The following HCRTR2 variants were observed in gnomAD, a reference collection of about 807,000 sequenced individuals.
HCRTR2 encodes hypocretin receptor 2.
Under a neutral mutation model 49.0 loss-of-function variants are expected in HCRTR2, and 22 were observed. The ratio of observed to expected loss-of-function variants is 0.45; its 90% confidence interval spans 0.32 to 0.64. The LOEUF is 0.64. Among genes scored for constraint, HCRTR2 ranks in the 30% least tolerant of loss-of-function variants. The pLI, the probability that HCRTR2 is intolerant of heterozygous loss-of-function variation, is 0.04. For synonymous variants in HCRTR2, 236 were observed against 205.3 expected, an observed-to-expected ratio of 1.15 and a Z score of -1.28; for missense variants, 491 against 559.4, an observed-to-expected ratio of 0.88 and a Z score of 1.23.
In HCRTR2 at chr6:55,233,580, G is replaced by A. The variant is rs1766157980; in HGVS notation, c.224-15059G>A. ...GGCATGGTGGTGCACACCTATAGTTGTAGCTACTTGGGAAGCTGAGGTGGA... is the reference window on the plus strand; with the variant it reads ...GGCATGGTGGTGCACACCTATAGTTATAGCTACTTGGGAAGCTGAGGTGGA... On this transcript the variant is annotated intron_variant, in intron 1 of 6. Coordinates refer to ENST00000370862, the MANE Select transcript of HCRTR2 (RefSeq NM_001384272.1). Among the ~76,000 whole-genome samples, 4 of 152,210 alleles carry A rather than the reference G, an allele frequency of 2.6e-5. No individual in the cohort carries two copies. The South Asian group carries it at 8.3e-4, about 32-fold the overall frequency.
At chr6:55,268,497 T>C (rs988183581) in intron 4 of HCRTR2, among the ~76,000 whole-genome samples, 3 of 152,058 alleles carry the variant, frequency 2.0e-5, no homozygotes, top group African/African-American at 4.8e-5. Flanking sequence ...TATTCAGATA[T>C]ACAAATAGGT....
intron 2 of HCRTR2, among the ~76,000 whole-genome samples, chr6:55,252,114 G>C (rs1249963841): frequency 1.3e-5 from 2 of 152,068 alleles, no homozygotes; most frequent in African/African-American, 4.8e-5. Context: ...AATTGCACAA[G>C]CAAATATAGT....
At chr6:55,211,879 G>A (rs574404401) in intron 1 of HCRTR2, among the ~76,000 whole-genome samples, 1 of 152,238 alleles carries the variant, frequency 6.6e-6, no homozygotes, top group East Asian at 1.9e-4. Context: ...TGGCTACCTT[G>A]TTTTATTGTT....
At position 55,241,861 on chromosome 6, in the gene HCRTR2, ATTTTT is replaced by A. The variant is rs917427627; in HGVS notation, c.224-6759_224-6755del. 3.9e-3 allele frequency among the ~76,000 whole-genome samples: 360 copies of A among 92,524 alleles called. 1 individual carries two copies. The highest frequency in any genetic ancestry group is 0.015 in the African/African-American group (338 of 22,970). 60.7% of individuals were successfully genotyped at this position (92,524 alleles called of 152,430 possible). ...GTAGTCTGTCTTACTATGGCAACTA[ATTTTT>A]TTTTTTTTTTTTTTTTTTGTGAGAG... is the stretch of plus-strand genomic sequence containing the variant. On this transcript the variant is annotated intron_variant, in intron 1 of 6. Coordinates refer to ENST00000370862, the MANE Select transcript of HCRTR2 (RefSeq NM_001384272.1).
intron 1 of HCRTR2, among the ~76,000 whole-genome samples, chr6:55,209,771 T>G (rs534898972): frequency 6.6e-6 from 1 of 152,250 alleles, no homozygotes; most frequent in South Asian, 2.1e-4. Context: ...TGGCTTAGAT[T>G]TTTTTTTCAT....
At chr6:55,107,752 T>G in intron 1 of HCRTR2, among the ~76,000 whole-genome samples, 1 of 152,158 alleles carries the variant, frequency 6.6e-6, no homozygotes, top group East Asian at 1.9e-4. Flanking sequence ...CATCCTGGTA[T>G]AGTTTTGATT....
chr6:55,279,829 T>G (rs549107562), intron 5 of HCRTR2, among the ~76,000 whole-genome samples: 6 of 151,514 alleles, frequency 4.0e-5, no homozygotes, highest in African/African-American at 1.5e-4. Context: ...CTTCTCTGGG[T>G]ATTAAGGAGT....
At chr6:55,133,362 A>G (rs1764384793) in intron 1 of HCRTR2, among the ~76,000 whole-genome samples, 1 of 139,290 alleles carries the variant, frequency 7.2e-6, no homozygotes, top group South Asian at 2.4e-4. Flanking sequence ...TGAGAGAGAG[A>G]TCATATACAC....
At chr6:55,155,193 T>C (rs1764714612) in intron 1 of HCRTR2, among the ~76,000 whole-genome samples, 1 of 148,832 alleles carries the variant, frequency 6.7e-6, no homozygotes, top group African/African-American at 2.4e-5. Context: ...AAAATACCAA[T>C]ATTTTTTTTT....
chr6:55,284,351 G>GGCATCA (rs562792035), downstream of HCRTR2, among the ~76,000 whole-genome samples: 27 of 152,128 alleles, frequency 1.8e-4, no homozygotes, highest in African/African-American at 6.3e-4. Context: ...CTATACCATC[G>GGCATCA]GCATCAGCAT....
At chr6:55,107,023 ACTGT>A (rs2127609658) in intron 1 of HCRTR2, among the ~76,000 whole-genome samples, 1 of 152,222 alleles carries the variant, frequency 6.6e-6, no homozygotes, top group Non-Finnish European at 1.5e-5. Context: ...GATTGCTATG[ACTGT>A]CTTTCTTTTC....
At chr6:55,246,551 C>T (rs909190425) in intron 1 of HCRTR2, among the ~76,000 whole-genome samples, 1 of 151,964 alleles carries the variant, frequency 6.6e-6, no homozygotes, top group African/African-American at 2.4e-5. Context: ...ATTATATGAT[C>T]CTATCTTAAA....
intron 1 of HCRTR2, among the ~76,000 whole-genome samples, chr6:55,150,301 C>G (rs2127257588): frequency 6.7e-6 from 1 of 148,926 alleles, no homozygotes; most frequent in Admixed American, 6.9e-5. Context: ...ATTCCTCCTA[C>G]CCTCCTTGTT....
upstream of HCRTR2, among the ~76,000 whole-genome samples, chr6:55,171,241 C>T (rs1237255285): frequency 6.6e-6 from 1 of 152,168 alleles, no homozygotes; most frequent in Non-Finnish European, 1.5e-5. Flanking sequence ...TCTCCAGCAC[C>T]TGTTGTTTCC....
At chr6:55,251,949 A>G (rs1011410828) in intron 2 of HCRTR2, among the ~76,000 whole-genome samples, 8 of 152,138 alleles carry the variant, frequency 5.3e-5, no homozygotes, top group Non-Finnish European at 1.2e-4. Context: ...TTGAGCTAAT[A>G]TCAGAATCCA....
chr6:55,255,070 A>T (rs1338979776), intron 2 of HCRTR2, 66 bp from the exon 3 acceptor site: 1 of 1,560,558 alleles, frequency 6.4e-7, no homozygotes, highest in Non-Finnish European at 8.7e-7. Flanking sequence ...CATATAGTAA[A>T]TATATTAAGA....
At chr6:55,206,147 A>C (rs147581115) in intron 1 of HCRTR2, among the ~76,000 whole-genome samples, 2 of 152,274 alleles carry the variant, frequency 1.3e-5, no homozygotes, top group African/African-American at 2.4e-5. Flanking sequence ...ATAACCAAGT[A>C]TTAGTTGAAG....
downstream of HCRTR2, among the ~76,000 whole-genome samples, chr6:55,283,692 T>C (rs1481596281): frequency 5.9e-5 from 9 of 151,924 alleles, no homozygotes; most frequent in Admixed American, 6.0e-4. Context: ...TTATGAAAGA[T>C]GATTTTCATC....
chr6:55,225,167 G>T (rs1304053017), intron 1 of HCRTR2, among the ~76,000 whole-genome samples: 4 of 151,988 alleles, frequency 2.6e-5, no homozygotes, highest in Non-Finnish European at 5.9e-5. Flanking sequence ...ATTTAATGTA[G>T]ATAAATGAAA....
Sources: gnomAD v4.1 joint callset for allele counts (sites outside exome capture counted in the v4.1 genomes callset) on GRCh38, gnomAD v4.1.1 for gene constraint, MANE v1.5 for transcripts, NCBI Gene and HGNC (gene_info 2026-07-23, HGNC 2026-07-21) for gene names.